ZNF383: variants seen among roughly 807,000 people sequenced by gnomAD.
ZNF383 encodes zinc finger protein 383.
In ZNF383, 32 loss-of-function variants were observed where a neutral mutation model predicts 44.2. The observed-to-expected ratio is 0.72, with a 90% CI of 0.55 to 0.97. The LOEUF is 0.97. ZNF383 is among the 50% of genes least tolerant of loss of function. The probability of loss-of-function intolerance (pLI) is 0.00; values close to 1 mark genes in which losing one functional copy is unlikely to be tolerated. For missense variants in ZNF383, 487 were observed against 562.5 expected (o/e 0.87, Z 1.36); for synonymous variants, 155 against 186.2 (o/e 0.83, Z 1.36).
chr19:37,236,097 GGAGAAAGTCAC>G (rs776893378), intron 5 of ZNF383, 23 bp downstream of exon 5: 28 of 1,598,624 alleles, frequency 1.8e-5, no homozygotes, highest in Admixed American at 1.0e-4. Flanking sequence ...TGACCGGACA[GGAGAAAGTCAC>G]GATAGGTCAG....
In ZNF383 at chr19:37,246,335, TG is replaced by T. The variant is rs1333700744; in HGVS notation, c.*2673del. 1 of 152,232 alleles carries T rather than the reference TG, an allele frequency of 6.6e-6. No homozygotes were observed. The highest frequency in any genetic ancestry group is 1.5e-5 in the Non-Finnish European group (1 of 68,038). 9.4% of individuals were successfully genotyped at this position (152,232 alleles called of 1,614,324 possible). A position where few individuals can be genotyped will look rare whatever the true frequency, so the allele number is the denominator to read the frequency against. ...TTACCTTTGGCAAATTTGTAATTCATGGTGGAAAAAGAGAAACACTTGTAAT... is the reference window on the plus strand; with the variant it reads ...TTACCTTTGGCAAATTTGTAATTCATGTGGAAAAAGAGAAACACTTGTAAT... On this transcript the variant is annotated 3_prime_UTR_variant, in exon 6 of 6. Transcript: ENST00000684119.
intron 5 of ZNF383, among the ~76,000 whole-genome samples, chr19:37,237,382 A>AG (rs370261690): frequency 1.2e-4 from 18 of 152,244 alleles, no homozygotes; most frequent in Non-Finnish European, 2.4e-4. Flanking sequence ...CAAGAAAAAA[A>AG]AAGGATCTGT....
intron 3 of ZNF383, among the ~76,000 whole-genome samples, chr19:37,235,311 T>C (rs1396330458): frequency 6.6e-6 from 1 of 151,548 alleles, no homozygotes; most frequent in Non-Finnish European, 1.5e-5. Flanking sequence ...CAATCTAGAC[T>C]CTAGGGATGC....
chr19:37,243,987 T>G lies in ZNF383; in HGVS notation c.*323T>G, dbSNP rs998073556. ...ATTTGTGTTTGCACCAGTATCACAC[T>G]GTTTGAATTGTGTGACCTTTAATAT... is the stretch of plus-strand genomic sequence containing the variant. On this transcript the variant is annotated 3_prime_UTR_variant, in exon 6 of 6. Transcript: ENST00000684119. 5.1e-6 allele frequency: 1 copy of G among 197,286 alleles called. No individual in the cohort carries two copies. Among genetic ancestry groups the G allele is most frequent in the African/African-American group, 2.3e-5 (1 of 43,136 alleles). The allele number at this position is 197,286 out of a possible 1,614,324, so 12.2% of individuals were successfully genotyped here. A position where few individuals can be genotyped will look rare whatever the true frequency, so the allele number is the denominator to read the frequency against.
chr19:37,232,081 G>GT (rs1290758381), intron 3 of ZNF383, among the ~76,000 whole-genome samples: 2,230 of 141,964 alleles, frequency 0.016, 45 homozygotes, highest in African/African-American at 0.042. Flanking sequence ...AGGTTTTTTT[G>GT]TTTTTTTTTT....
At position 37,246,259 on chromosome 19, in the gene ZNF383, TATC is replaced by T. The variant is rs1974372282; in HGVS notation, c.*2598_*2600del. On this transcript the variant is annotated 3_prime_UTR_variant, in exon 6 of 6. Transcript: ENST00000684119. ...CCACTATTATCAGTGATATACTCAT[TATC>T]ATAAGTATCTTCATTAGGATTTATG... 1 of 151,634 alleles carries T rather than the reference TATC, an allele frequency of 6.6e-6. No individual in the cohort carries two copies. The highest frequency in any genetic ancestry group is 1.5e-5 in the Non-Finnish European group (1 of 68,034). The allele number at this position is 151,634 out of a possible 1,614,324, so 9.4% of individuals were successfully genotyped here.
intron 5 of ZNF383, among the ~76,000 whole-genome samples, chr19:37,238,215 A>G (rs2145527851): frequency 1.3e-5 from 2 of 152,164 alleles, no homozygotes; most frequent in Middle Eastern, 6.8e-3. Context: ...AAGGAGAGAC[A>G]TTCAAACCAT....
Sources: allele counts gnomAD v4.1 joint callset (sites outside exome capture counted in the v4.1 genomes callset), GRCh38; gene constraint gnomAD v4.1.1; transcripts MANE v1.5; gene names NCBI Gene and HGNC (gene_info 2026-07-23, HGNC 2026-07-21).